Variants in TEX11 observed in about 807,000 individuals in gnomAD.
The protein encoded by TEX11 is testis-expressed protein 11.
TEX11 carries 7 observed loss-of-function variants against 84.4 expected under a neutral mutation model. The observed-to-expected ratio is 0.08, with a 90% CI of 0.05 to 0.16. The LOEUF is 0.16. Among genes scored for constraint, TEX11 ranks in the 10% least tolerant of loss-of-function variants. TEX11 has a pLI of 1.00. For missense variants in TEX11, 551 were observed against 660.5 expected (o/e 0.83, Z 1.82); for synonymous variants, 264 against 222.8 (o/e 1.18, Z -1.64).
downstream of TEX11, among the ~76,000 whole-genome samples, chrX:70,524,286 C>T (rs1419451248): frequency 8.9e-6 from 1 of 112,339 alleles, no homozygotes; most frequent in Non-Finnish European, 1.9e-5. Context: ...GTGTCCAGTC[C>T]ATTAGCAGGA....
intron 13 of TEX11, among the ~76,000 whole-genome samples, chrX:70,698,672 G>A (rs1186237424): frequency 9.1e-6 from 1 of 110,325 alleles, no homozygotes; most frequent in Non-Finnish European, 1.9e-5. Flanking sequence ...ATTGATGTTT[G>A]ACCCCAGGCT....
At chrX:70,850,648 G>C (rs68056115) in intron 7 of TEX11, among the ~76,000 whole-genome samples, 2 of 109,376 alleles carry the variant, frequency 1.8e-5, no homozygotes, top group African/African-American at 6.7e-5. Flanking sequence ...TTACCTACTC[G>C]GGAGGTTGAG....
At chrX:70,799,228 G>A (rs1279890627) in intron 9 of TEX11, among the ~76,000 whole-genome samples, 2 of 112,136 alleles carry the variant, frequency 1.8e-5, no homozygotes, top group Non-Finnish European at 3.8e-5. Context: ...CTATGTCAAT[G>A]CAATCTTTTT....
chrX:70,804,343 G>T (rs1017479812), intron 9 of TEX11, among the ~76,000 whole-genome samples: 2 of 112,233 alleles, frequency 1.8e-5, no homozygotes, highest in Non-Finnish European at 3.8e-5. Context: ...CTGACAGTCA[G>T]TCTACTGTTA....
intron 13 of TEX11, among the ~76,000 whole-genome samples, chrX:70,714,410 T>C (rs199579519): frequency 9.0e-6 from 1 of 111,434 alleles, no homozygotes; most frequent in Non-Finnish European, 1.9e-5. Context: ...TCTCCCATTA[T>C]TATTGTGTGG....
intron 20 of TEX11, among the ~76,000 whole-genome samples, chrX:70,613,125 G>T: frequency 9.0e-6 from 1 of 111,269 alleles, no homozygotes; most frequent in East Asian, 2.8e-4. Context: ...CAGACACAGG[G>T]GTGGAGCAAG....
intron 9 of TEX11, among the ~76,000 whole-genome samples, chrX:70,771,347 T>G (rs1326722995): frequency 8.9e-6 from 1 of 112,317 alleles, no homozygotes; most frequent in Non-Finnish European, 1.9e-5. Flanking sequence ...GTTATATTAT[T>G]TTTTACAGAA....
chrX:70,569,805 A>T (rs1010976887), intron 25 of TEX11, among the ~76,000 whole-genome samples: 4 of 110,989 alleles, frequency 3.6e-5, no homozygotes, highest in Non-Finnish European at 7.6e-5. Flanking sequence ...GTGAGGTGTC[A>T]GTCTGCCCCT....
chrX:70,650,385 T>A (rs1183827974), intron 17 of TEX11, among the ~76,000 whole-genome samples: 1 of 111,730 alleles, frequency 9.0e-6, no homozygotes, highest in Non-Finnish European at 1.9e-5. Context: ...AGTAAAATAA[T>A]TTTTAAAAAA....
chrX:70,645,616 G>A (rs1344949051), intron 17 of TEX11, among the ~76,000 whole-genome samples: 1 of 111,414 alleles, frequency 9.0e-6, no homozygotes, highest in African/African-American at 3.3e-5. Flanking sequence ...TATACACAAA[G>A]TAGTAGCATT....
chrX:70,647,462 A>G (rs886205346), intron 17 of TEX11, among the ~76,000 whole-genome samples: 4 of 111,191 alleles, frequency 3.6e-5, no homozygotes, highest in South Asian at 3.9e-4. Flanking sequence ...CTGTAATCCT[A>G]GCACTTTGGG....
intron 18 of TEX11, among the ~76,000 whole-genome samples, chrX:70,629,362 AT>A (rs1300006225): frequency 1.8e-5 from 2 of 112,050 alleles, no homozygotes; most frequent in Non-Finnish European, 3.8e-5. Context: ...TAAAAAATTA[AT>A]GTTTTGCTAC....
Position 70,637,941 on chromosome X carries a change from AT to A in TEX11, c.1484-8207del, listed in dbSNP as rs1452462792. On this transcript the variant is annotated intron_variant, in intron 17 of 29. Coordinates refer to ENST00000374333, the MANE Select transcript of TEX11 (RefSeq NM_031276.3). ...CTTACAAGCTGGAAATAAAAAAAAA[AT>A]AACATTAAAAAAAGATCTTCCTCAA... Among the ~76,000 whole-genome samples, 217 of 110,483 alleles carry A rather than the reference AT, an allele frequency of 2.0e-3. 1 individual carries two copies. The highest frequency in any genetic ancestry group is 9.4e-3 in the Middle Eastern group (2 of 213).
At chrX:70,873,414 C>T in intron 3 of TEX11, 107 bp from the exon 4 acceptor site, 3 of 548,333 alleles carry the variant, frequency 5.5e-6, no homozygotes, top group Non-Finnish European at 6.1e-6. Flanking sequence ...GGGTCATTTC[C>T]AGGCCCTCCA....
At chrX:70,829,369 C>A (rs139523653) in intron 8 of TEX11, among the ~76,000 whole-genome samples, 2,355 of 108,836 alleles carry the variant, frequency 0.022, 72 homozygotes, top group South Asian at 0.16. Context: ...GTAGTTCCAG[C>A]TACTTGGGAG....
At chrX:70,732,105 C>T (rs138285033) in intron 11 of TEX11, among the ~76,000 whole-genome samples, 8,063 of 111,147 alleles carry the variant, frequency 0.073, 247 homozygotes, top group East Asian at 0.13. Context: ...ATTCAACAAC[C>T]CTTCATGCTA....
chrX:70,842,078 C>T (rs1400674946), intron 7 of TEX11, among the ~76,000 whole-genome samples: 42 of 110,985 alleles, frequency 3.8e-4, no homozygotes, highest in African/African-American at 1.4e-3. Flanking sequence ...ACCATTCCTT[C>T]TGAAACTATT....
intron 13 of TEX11, among the ~76,000 whole-genome samples, chrX:70,698,082 A>G (rs2090295877): frequency 9.0e-6 from 1 of 111,529 alleles, no homozygotes; most frequent in African/African-American, 3.2e-5. Flanking sequence ...TATGGGGTAC[A>G]TACAATAGTT....
intron 25 of TEX11, among the ~76,000 whole-genome samples, chrX:70,567,111 C>A (rs1397921660): frequency 1.8e-5 from 2 of 111,302 alleles, no homozygotes; most frequent in African/African-American, 6.5e-5. Context: ...AGTGATTCAA[C>A]TTCTTCCTGG....
Sources: allele counts gnomAD v4.1 joint callset (sites outside exome capture counted in the v4.1 genomes callset), GRCh38; gene constraint gnomAD v4.1.1; transcripts MANE v1.5; gene names NCBI Gene and HGNC (gene_info 2026-07-23, HGNC 2026-07-21).